The following MEIKIN variants were observed in gnomAD, a reference collection of about 807,000 sequenced individuals.
MEIKIN encodes meiotic kinetochore factor.
intron 10 of MEIKIN, among the ~76,000 whole-genome samples, chr5:131,851,660 T>C (rs892070856): frequency 6.6e-6 from 1 of 152,244 alleles, no homozygotes; most frequent in Non-Finnish European, 1.5e-5. Context: ...TTTGCTATGA[T>C]ACACCAGAGA....
Position 131,873,935 on chromosome 5 carries a change from T to C in MEIKIN, c.774+5043A>G, listed in dbSNP as rs1750558385. On this transcript the variant is annotated intron_variant, in intron 9 of 12. Coordinates refer to ENST00000442687, the MANE Select transcript of MEIKIN (RefSeq NM_001303622.2). Reference sequence around the variant, plus strand: ...AATCAAGGCAGAAATAAAGATGTTCTTTGAAACCAACGACAACAAAGACAC... The same window carrying C: ...AATCAAGGCAGAAATAAAGATGTTCCTTGAAACCAACGACAACAAAGACAC... Among the ~76,000 whole-genome samples the C allele has an allele frequency of 2.6e-5, 4 of 152,224 alleles. No individual in the cohort carries two copies. The South Asian group carries it at 8.3e-4, about 32-fold the overall frequency.
At chr5:131,934,056 A>T (rs1265899108) in intron 4 of MEIKIN, among the ~76,000 whole-genome samples, 5 of 151,958 alleles carry the variant, frequency 3.3e-5, no homozygotes, top group African/African-American at 1.2e-4. Flanking sequence ...AGTTCAAGCA[A>T]TTCTCCTGCC....
intron 8 of MEIKIN, among the ~76,000 whole-genome samples, chr5:131,903,818 C>T (rs904948228): frequency 6.6e-6 from 1 of 151,932 alleles, no homozygotes; most frequent in Non-Finnish European, 1.5e-5. Flanking sequence ...GAGCTAAATA[C>T]TCCCAATTAA....
chr5:131,817,350 G>A (rs1773118895), intron 12 of MEIKIN, among the ~76,000 whole-genome samples: 1 of 151,944 alleles, frequency 6.6e-6, no homozygotes, highest in African/African-American at 2.4e-5. Flanking sequence ...GGTGGCTCAC[G>A]CCTGTAATCC....
At chr5:131,835,287 G>C (rs1749787449) in intron 11 of MEIKIN, among the ~76,000 whole-genome samples, 1 of 151,640 alleles carries the variant, frequency 6.6e-6, no homozygotes, top group Non-Finnish European at 1.5e-5. Flanking sequence ...CAGATATGTG[G>C]TTTGCAAATA....
chr5:131,832,199 CA>C (rs1198839190), intron 11 of MEIKIN, among the ~76,000 whole-genome samples: 9 of 152,268 alleles, frequency 5.9e-5, no homozygotes, highest in Admixed American at 2.6e-4. Context: ...AATGGGGGTA[CA>C]GGTATTGGGT....
chr5:131,876,128 C>T (rs546488415), intron 9 of MEIKIN, among the ~76,000 whole-genome samples: 11 of 152,154 alleles, frequency 7.2e-5, no homozygotes, highest in Admixed American at 5.9e-4. Context: ...TGGCAACAAA[C>T]GCCAAAATTG....
chr5:131,942,490 C>T, intron 4 of MEIKIN, 145 bp downstream of exon 4: 1 of 385,518 alleles, frequency 2.6e-6, no homozygotes, highest in East Asian at 3.7e-5. Flanking sequence ...AGGATGAGAT[C>T]TATAGCACAG....
intron 8 of MEIKIN, among the ~76,000 whole-genome samples, chr5:131,902,877 G>A (rs776424641): frequency 2.6e-5 from 4 of 152,176 alleles, no homozygotes; most frequent in Non-Finnish European, 4.4e-5. Context: ...GTAGAAAGTC[G>A]AAACCCAATC....
chr5:131,877,274 A>T (rs1025195771), intron 9 of MEIKIN, among the ~76,000 whole-genome samples: 6 of 152,192 alleles, frequency 3.9e-5, no homozygotes, highest in African/African-American at 1.4e-4. Context: ...ACCATAAACA[A>T]AATATATAAT....
At chr5:131,819,598 C>CTTTTTT (rs34041769) in intron 11 of MEIKIN, among the ~76,000 whole-genome samples, 2 of 130,660 alleles carry the variant, frequency 1.5e-5, no homozygotes, top group Non-Finnish European at 1.7e-5. Context: ...TAGAAACTTC[C>CTTTTTT]TTTTTTTTTT....
intron 9 of MEIKIN, among the ~76,000 whole-genome samples, chr5:131,874,212 T>C (rs1041696771): frequency 2.0e-5 from 3 of 152,016 alleles, no homozygotes; most frequent in African/African-American, 7.2e-5. Context: ...CAGGAGCTGG[T>C]TTTTTGAAAA....
At chr5:131,809,637 C>G (rs1325682333) in intron 12 of MEIKIN, among the ~76,000 whole-genome samples, 1 of 151,884 alleles carries the variant, frequency 6.6e-6, no homozygotes, top group East Asian at 1.9e-4. Flanking sequence ...GAAACCCTGT[C>G]TCTACTAAAA....
chr5:131,899,261 G>A (rs1751109866), intron 8 of MEIKIN, among the ~76,000 whole-genome samples: 1 of 152,088 alleles, frequency 6.6e-6, no homozygotes, highest in African/African-American at 2.4e-5. Flanking sequence ...GTTAAGTTGT[G>A]ATCAGCTTAA....
intron 3 of MEIKIN, among the ~76,000 whole-genome samples, chr5:131,944,207 G>A (rs544231989): frequency 6.2e-4 from 94 of 152,006 alleles, no homozygotes; most frequent in African/African-American, 2.2e-3. Flanking sequence ...CTAAATTAGT[G>A]CTGTACAACT....
chr5:131,852,525 T>C (rs1333030525), intron 10 of MEIKIN, among the ~76,000 whole-genome samples: 1 of 152,156 alleles, frequency 6.6e-6, no homozygotes, highest in East Asian at 1.9e-4. Flanking sequence ...CATAGATGAA[T>C]TTTTAAAACA....
chr5:131,836,659 C>CT (rs991650143), intron 11 of MEIKIN, among the ~76,000 whole-genome samples: 42 of 149,676 alleles, frequency 2.8e-4, no homozygotes, highest in African/African-American at 7.4e-4. Context: ...TGATGTTGAG[C>CT]TTTTTTTTTA....
intron 11 of MEIKIN, among the ~76,000 whole-genome samples, chr5:131,829,361 CA>C (rs748899813): frequency 4.6e-5 from 7 of 152,072 alleles, no homozygotes; most frequent in Non-Finnish European, 8.8e-5. Flanking sequence ...TAAACTAAGG[CA>C]AAAAGAGAAA....
intron 8 of MEIKIN, among the ~76,000 whole-genome samples, chr5:131,890,468 T>C (rs1314085871): frequency 6.6e-6 from 1 of 152,234 alleles, no homozygotes; most frequent in Non-Finnish European, 1.5e-5. Flanking sequence ...TCGAGGAATT[T>C]ATCCATTTCT....
Sources: gnomAD v4.1 joint callset for allele counts (sites outside exome capture counted in the v4.1 genomes callset) on GRCh38, gnomAD v4.1.1 for gene constraint, MANE v1.5 for transcripts, NCBI Gene and HGNC (gene_info 2026-07-23, HGNC 2026-07-21) for gene names.